MTMR7: variants seen among roughly 807,000 people sequenced by gnomAD.
The protein encoded by MTMR7 is myotubularin related protein 7.
In MTMR7, 76 loss-of-function variants were observed where a neutral mutation model predicts 81.2. That is an observed-to-expected ratio of 0.94 (90% CI 0.78 to 1.13). The LOEUF (loss-of-function observed/expected upper bound fraction) is 1.13. Among genes scored for constraint, MTMR7 ranks in the 50% most tolerant of loss-of-function variants. MTMR7 has a pLI of 0.00. For synonymous variants in MTMR7, 372 were observed against 289.8 expected (o/e 1.28, Z -2.88); for missense variants, 1,044 against 820.0 (o/e 1.27, Z -3.34).
At chr8:17,374,303 T>C (rs1293356247) in intron 1 of MTMR7, among the ~76,000 whole-genome samples, 1 of 152,076 alleles carries the variant, frequency 6.6e-6, no homozygotes, top group African/African-American at 2.4e-5. Flanking sequence ...CTGGCCAACG[T>C]GGTGAAATCC....
At chr8:17,301,608 C>G (rs759040548) in intron 13 of MTMR7, 1 of 152,458 alleles carries the variant, frequency 6.6e-6, no homozygotes, top group East Asian at 1.9e-4. Context: ...CTAATAGAAT[C>G]CTAAGATGTT....
chr8:17,332,262 A>T (rs1819042332), intron 6 of MTMR7, among the ~76,000 whole-genome samples: 1 of 152,216 alleles, frequency 6.6e-6, no homozygotes, highest in Non-Finnish European at 1.5e-5. Context: ...GCACAATAGT[A>T]CTTTTTAAAA....
chr8:17,349,283 C>T (rs1423825894), intron 4 of MTMR7: 5 of 519,974 alleles, frequency 9.6e-6, no homozygotes, highest in African/African-American at 3.8e-5. Context: ...TCTGAAGGAA[C>T]GCAAGCTACC....
At chr8:17,314,996 A>G (rs756973107) in intron 7 of MTMR7, among the ~76,000 whole-genome samples, 8 of 151,880 alleles carry the variant, frequency 5.3e-5, no homozygotes, top group African/African-American at 1.9e-4. Context: ...AATACACACA[A>G]TGATTCACAG....
At chr8:17,386,570 C>A (rs556832366) in intron 1 of MTMR7, among the ~76,000 whole-genome samples, 1 of 152,284 alleles carries the variant, frequency 6.6e-6, no homozygotes, top group South Asian at 2.1e-4. Flanking sequence ...GGGAGATGGG[C>A]TGAAAACACT....
chr8:17,337,155 T>A (rs1159100649), intron 6 of MTMR7, among the ~76,000 whole-genome samples: 1 of 152,104 alleles, frequency 6.6e-6, no homozygotes, highest in African/African-American at 2.4e-5. Context: ...GCGGATCACC[T>A]GAGGTCAGGA....
intron 7 of MTMR7, 100 bp downstream of exon 7, chr8:17,331,050 C>A (rs894754831): frequency 4.3e-5 from 60 of 1,380,566 alleles, no homozygotes; most frequent in Admixed American, 4.0e-4. Flanking sequence ...CAAATTATCA[C>A]ACCTATGTAA....
Position 17,388,829 on chromosome 8 carries a change from A to C in MTMR7, c.25-15589T>G, listed in dbSNP as rs543684473. ...GGGTACACTCTGTCCACCCAGGCCAAGGCCAGGTTCCAGCTCATTTACACA... is the reference window on the plus strand; with the variant it reads ...GGGTACACTCTGTCCACCCAGGCCACGGCCAGGTTCCAGCTCATTTACACA... On this transcript the variant is annotated intron_variant, in intron 1 of 13. Transcript: ENST00000180173. Among the ~76,000 whole-genome samples the C allele has an allele frequency of 5.9e-5, 9 of 152,328 alleles. No individual in the cohort carries two copies. In the East Asian group the frequency reaches 1.4e-3, roughly 23 times the overall value.
At chr8:17,398,795 A>G (rs1421416978) in intron 1 of MTMR7, among the ~76,000 whole-genome samples, 1 of 151,466 alleles carries the variant, frequency 6.6e-6, no homozygotes, top group Admixed American at 6.6e-5. Context: ...ACATCAAGAG[A>G]TGCAACAAAA....
intron 4 of MTMR7, among the ~76,000 whole-genome samples, chr8:17,356,074 T>C (rs1248496093): frequency 2.6e-5 from 4 of 152,208 alleles, no homozygotes; most frequent in Non-Finnish European, 2.9e-5. Context: ...ATCCACCCCA[T>C]TACCAACACC....
In MTMR7 at chr8:17,349,064, A is replaced by G. The variant is rs1313230142; in HGVS notation, c.486T>C (p.Pro162=). The change falls in exon 5 of 14, where the codon CCT becomes CCC. Residue 162 remains proline, a synonymous_variant. Transcript: ENST00000180173. ...CCGATTTGGGAACGTACAGTTCAGTAGGATAAGAGTCACAGACCTGTCACC... is the reference window on the plus strand; with the variant it reads ...CCGATTTGGGAACGTACAGTTCAGTGGGATAAGAGTCACAGACCTGTCACC... ...NRDYRVCDSY[P]TELYVPKSAT... 6.2e-7 allele frequency: 1 copy of G among 1,612,308 alleles called. No individual in the cohort carries two copies. The highest frequency in any genetic ancestry group is 8.5e-7 in the Non-Finnish European group (1 of 1,179,790).
rs1481991286 is a variant in MTMR7 at position 17,298,775 on chromosome 8, A to AAGAT, written c.*1083_*1086dup. 3 of 152,590 alleles carry AAGAT rather than the reference A, an allele frequency of 2.0e-5. No homozygotes were observed. The highest frequency in any genetic ancestry group is 2.9e-5 in the Non-Finnish European group (2 of 68,002). 9.5% of individuals were successfully genotyped at this position (152,590 alleles called of 1,614,324 possible). A position where few individuals can be genotyped will look rare whatever the true frequency, so the allele number is the denominator to read the frequency against. On this transcript the variant is annotated 3_prime_UTR_variant, in exon 14 of 14. Transcript: ENST00000180173. ...CCTAGTGAAGTCTTTTTTAACTCAT[A>AAGAT]AGATAGGGGAGGGACTCTCCCTTAA...
At chr8:17,408,373 G>A (rs1299312949) in intron 1 of MTMR7, among the ~76,000 whole-genome samples, 1 of 47,746 alleles carries the variant, frequency 2.1e-5, no homozygotes, top group Non-Finnish European at 6.1e-5. Context: ...TCCGGCCTGG[G>A]CGACAGAGCG....
intron 1 of MTMR7, among the ~76,000 whole-genome samples, chr8:17,399,199 G>C (rs1821350762): frequency 6.6e-6 from 1 of 152,028 alleles, no homozygotes; most frequent in African/African-American, 2.4e-5. Flanking sequence ...AATTATCCTT[G>C]TTTGCAGATG....
intron 1 of MTMR7, among the ~76,000 whole-genome samples, chr8:17,382,357 T>G (rs563132710): frequency 2.6e-5 from 4 of 152,312 alleles, no homozygotes; most frequent in African/African-American, 9.6e-5. Flanking sequence ...CTTCCCCATC[T>G]CGAGCTCTTC....
chr8:17,326,716 A>G lies in MTMR7; in HGVS notation c.865+4434T>C, dbSNP rs149753297. Among the ~76,000 whole-genome samples, 78 of 152,324 alleles carry G rather than the reference A, an allele frequency of 5.1e-4. No homozygotes were observed. The East Asian group carries it at 0.014, about 27-fold the overall frequency. ...CCTCAGCTGAATTCTGCCAACAACC[A>G]TAAGTGCTTGGAAGTAGGTTCTTCC... On this transcript the variant is annotated intron_variant, in intron 7 of 13. Coordinates refer to ENST00000180173, the MANE Select transcript of MTMR7 (RefSeq NM_004686.5).
At position 17,367,108 on chromosome 8, in the gene MTMR7, T is replaced by C. The variant is rs185059430; in HGVS notation, c.310+3929A>G. On this transcript the variant is annotated intron_variant, in intron 3 of 13. Transcript: ENST00000180173. Reference sequence around the variant, plus strand: ...AAAAAAGAAATTACCACTGCAAAGATTGCTTAAACATCAATGACTTATATA... The same window carrying C: ...AAAAAAGAAATTACCACTGCAAAGACTGCTTAAACATCAATGACTTATATA... Among the ~76,000 whole-genome samples the C allele has an allele frequency of 1.4e-4, 22 of 152,210 alleles. 1 individual carries two copies. The highest frequency in any genetic ancestry group is 1.9e-4 in the East Asian group (1 of 5,178).
intron 1 of MTMR7, among the ~76,000 whole-genome samples, chr8:17,383,310 G>A (rs1485741640): frequency 6.6e-6 from 1 of 152,154 alleles, no homozygotes; most frequent in Non-Finnish European, 1.5e-5. Flanking sequence ...CCCTCAAGCA[G>A]AGGGAGCAAG....
rs746509014 is a variant in MTMR7 at position 17,300,140 on chromosome 8, A to G, written c.1705T>C (p.Ser569Pro). Residue 569 changes from serine to proline, a missense_variant, in exon 14 of 14, where the codon TCT becomes CCT. Physicochemically the swap from Ser to Pro is moderately conservative, Grantham distance 74. Coordinates refer to ENST00000180173, the MANE Select transcript of MTMR7 (RefSeq NM_004686.5). ...TTGGCTATGCTGTTGTCTGAGGTAG[A>G]AAACCCTGAGTGCTTGCTGGGCTCA... ...QSEPSKHSGF[S>P]TSDNSIANTP... 6.2e-7 allele frequency: 1 copy of G among 1,614,136 alleles called. No individual in the cohort carries two copies. The highest frequency in any genetic ancestry group is 1.3e-5 in the African/African-American group (1 of 75,036).
Sources: gnomAD v4.1 joint callset for allele counts (sites outside exome capture counted in the v4.1 genomes callset) on GRCh38, gnomAD v4.1.1 for gene constraint, MANE v1.5 for transcripts, NCBI Gene and HGNC (gene_info 2026-07-23, HGNC 2026-07-21) for gene names.